ANKRD55: variants seen among roughly 807,000 people sequenced by gnomAD.
The protein encoded by ANKRD55 is ankyrin repeat domain 55.
Under a neutral mutation model 60.6 loss-of-function variants are expected in ANKRD55, and 41 were observed. The ratio of observed to expected loss-of-function variants is 0.68; its 90% CI spans 0.53 to 0.88. The LOEUF is 0.88. Among genes scored for constraint, ANKRD55 ranks in the 40% least tolerant of loss-of-function variants. The pLI is 0.00. For missense variants in ANKRD55, 732 were observed against 767.6 expected, an observed-to-expected ratio of 0.95 and a Z score of 0.55; for synonymous variants, 264 against 290.3, an observed-to-expected ratio of 0.91 and a Z score of 0.92.
At chr5:56,230,620 A>G (rs143890719) in intron 2 of ANKRD55, among the ~76,000 whole-genome samples, 78 of 152,298 alleles carry the variant, frequency 5.1e-4, no homozygotes, top group African/African-American at 1.8e-3. Flanking sequence ...AGTATTTAAA[A>G]TCTGTATAAT....
At chr5:56,187,226 A>G (rs972318426) in intron 2 of ANKRD55, among the ~76,000 whole-genome samples, 1 of 152,214 alleles carries the variant, frequency 6.6e-6, no homozygotes, top group African/African-American at 2.4e-5. Flanking sequence ...CTAGCTGGGA[A>G]GGTGACTGCA....
intron 9 of ANKRD55, among the ~76,000 whole-genome samples, chr5:56,112,902 G>T (rs1756775342): frequency 6.6e-6 from 1 of 152,128 alleles, no homozygotes; most frequent in Non-Finnish European, 1.5e-5. Flanking sequence ...TTCTCTACAG[G>T]TCACACAGTG....
intron 4 of ANKRD55, among the ~76,000 whole-genome samples, chr5:56,174,274 C>T (rs975981795): frequency 2.0e-5 from 3 of 152,206 alleles, no homozygotes; most frequent in Non-Finnish European, 4.4e-5. Context: ...TTGCATAGCT[C>T]TCTAGTCAAA....
chr5:56,176,257 A>T lies in ANKRD55; in HGVS notation c.207T>A (p.Val69=). 6.2e-7 allele frequency: 1 copy of T among 1,614,228 alleles called. No individual in the cohort carries two copies. Among genetic ancestry groups the T allele is most frequent in the East Asian group, 2.2e-5 (1 of 44,890 alleles). The change falls in exon 4 of 12, where the codon GTT becomes GTA. Residue 69 remains valine (V), a synonymous_variant. Coordinates refer to ENST00000341048, the MANE Select transcript of ANKRD55 (RefSeq NM_024669.3). ...TCACTGTGTCCGCTTGACGTCCAGAAACCGCATGCATCAAGGGCGTGCATC... is the reference window on the plus strand; with the variant it reads ...TCACTGTGTCCGCTTGACGTCCAGATACCGCATGCATCAAGGGCGTGCATC... ...SEGCTPLMHA[V]SGRQADTVKL...
rs76423149 is a variant in ANKRD55 at position 56,173,135 on chromosome 5, C to T, written c.313-2332G>A. Among the ~76,000 whole-genome samples, 1,067 of 152,292 alleles carry T rather than the reference C, an allele frequency of 7.0e-3. 13 individuals are homozygous for T. The highest frequency in any genetic ancestry group is 0.024 in the African/African-American group (1,010 of 41,564). Reference sequence around the variant, plus strand: ...TCCTTCTAATAAAACCTACAACTTCCTCTTCATTCTTTGGACATATCGAGG... The same window carrying T: ...TCCTTCTAATAAAACCTACAACTTCTTCTTCATTCTTTGGACATATCGAGG... On this transcript the variant is annotated intron_variant, in intron 4 of 11. Coordinates refer to ENST00000341048, the MANE Select transcript of ANKRD55 (RefSeq NM_024669.3).
chr5:56,224,814 T>C (rs1381788278), intron 2 of ANKRD55, among the ~76,000 whole-genome samples: 2 of 152,048 alleles, frequency 1.3e-5, no homozygotes, highest in Admixed American at 1.3e-4. Context: ...AGGACAATAA[T>C]AGGCTCTGAA....
At chr5:56,154,592 T>TG (rs1354177431) in intron 6 of ANKRD55, among the ~76,000 whole-genome samples, 1 of 150,770 alleles carries the variant, frequency 6.6e-6, no homozygotes, top group African/African-American at 2.4e-5. Flanking sequence ...AAGTTTTTTT[T>TG]TTTTTTTTTT....
chr5:56,160,475 G>A lies in ANKRD55; in HGVS notation c.423-582C>T, dbSNP rs141020709. On this transcript the variant is annotated intron_variant, in intron 5 of 11. Coordinates refer to ENST00000341048, the MANE Select transcript of ANKRD55 (RefSeq NM_024669.3). The stretch of plus-strand genomic sequence containing the variant: ...AGGATGGTCTGGATCTCCTGACCTC[G>A]TGGTCCGCCCGCCTAAGCCTCCCAA... 2.4e-3 allele frequency among the ~76,000 whole-genome samples: 365 copies of A among 152,238 alleles called. 2 individuals are homozygous for A. Among genetic ancestry groups the A allele is most frequent in the African/African-American group, 8.0e-3 (331 of 41,518 alleles).
At chr5:56,130,818 T>TA (rs1757388185) in intron 7 of ANKRD55, among the ~76,000 whole-genome samples, 1 of 151,994 alleles carries the variant, frequency 6.6e-6, no homozygotes, top group South Asian at 2.1e-4. Flanking sequence ...ATGCTGGAGA[T>TA]AAAAAACACT....
At chr5:56,141,299 A>G (rs1757759569) in intron 7 of ANKRD55, among the ~76,000 whole-genome samples, 1 of 151,896 alleles carries the variant, frequency 6.6e-6, no homozygotes, top group Non-Finnish European at 1.5e-5. Flanking sequence ...CCAGGGTCTC[A>G]CTGCATTACA....
At chr5:56,209,672 A>G (rs1440036473) in intron 2 of ANKRD55, among the ~76,000 whole-genome samples, 1 of 151,792 alleles carries the variant, frequency 6.6e-6, no homozygotes, top group Non-Finnish European at 1.5e-5. Context: ...TCACTGTGTT[A>G]GCCAGGATGG....
chr5:56,132,942 T>G (rs1757462811), intron 7 of ANKRD55, among the ~76,000 whole-genome samples: 1 of 152,158 alleles, frequency 6.6e-6, no homozygotes, highest in African/African-American at 2.4e-5. Flanking sequence ...TATTACATAA[T>G]GATAAAGAGG....
chr5:56,157,774 G>A lies in ANKRD55; in HGVS notation c.483+2059C>T, dbSNP rs562255605. On this transcript the variant is annotated intron_variant, in intron 6 of 11. Transcript: ENST00000341048. Reference sequence around the variant, plus strand: ...CCACATCCCCCTCTCTGAGATGGTAGAGATAATGATCAATAAATACTGAGG... The same window carrying A: ...CCACATCCCCCTCTCTGAGATGGTAAAGATAATGATCAATAAATACTGAGG... Among the ~76,000 whole-genome samples the A allele has an allele frequency of 6.6e-5, 10 of 152,264 alleles. 1 individual carries two copies. In the South Asian group the frequency reaches 2.1e-3, roughly 32 times the overall value.
chr5:56,104,833 G>C (rs1756406813), intron 10 of ANKRD55, among the ~76,000 whole-genome samples: 1 of 152,108 alleles, frequency 6.6e-6, no homozygotes, highest in Non-Finnish European at 1.5e-5. Flanking sequence ...GAAGCTCCAT[G>C]AGTAGTGCTG....
Position 56,232,745 on chromosome 5 carries a change from A to AACACATACAC in ANKRD55, c.58+110_58+111insGTGTATGTGT. ...ATACTCATGCACACCCACGCACATG[A>AACACATACAC]ACACACACACACACACACACACACT... On this transcript the variant is annotated intron_variant, in intron 2 of 11. Transcript: ENST00000341048. 5.7e-6 allele frequency: 5 copies of AACACATACAC among 871,578 alleles called. No homozygotes were observed. In the South Asian group the frequency reaches 8.2e-5, roughly 14 times the overall value. The allele number at this position is 871,578 out of a possible 1,614,324, so 54.0% of individuals were successfully genotyped here.
At chr5:56,113,556 T>C (rs1452005531) in intron 9 of ANKRD55, among the ~76,000 whole-genome samples, 1 of 152,158 alleles carries the variant, frequency 6.6e-6, no homozygotes, top group East Asian at 1.9e-4. Context: ...CGGACACTTT[T>C]TTCACGGAAC....
chr5:56,107,592 G>A (rs928156139), intron 10 of ANKRD55, among the ~76,000 whole-genome samples: 2 of 152,162 alleles, frequency 1.3e-5, no homozygotes, highest in African/African-American at 4.8e-5. Flanking sequence ...CTTGTTGATA[G>A]CTGTGAATAT....
At chr5:56,206,653 A>T in intron 2 of ANKRD55, among the ~76,000 whole-genome samples, 1 of 152,054 alleles carries the variant, frequency 6.6e-6, no homozygotes. Context: ...TCCCTCCCAC[A>T]ACCCCCACCA....
chr5:56,200,226 A>G (rs963394668), intron 2 of ANKRD55, among the ~76,000 whole-genome samples: 1 of 152,180 alleles, frequency 6.6e-6, no homozygotes, highest in African/African-American at 2.4e-5. Context: ...TAACTAAGAA[A>G]GCAAGTCCTT....
Sources: allele counts gnomAD v4.1 joint callset (sites outside exome capture counted in the v4.1 genomes callset), GRCh38; gene constraint gnomAD v4.1.1; transcripts MANE v1.5; gene names NCBI Gene and HGNC (gene_info 2026-07-23, HGNC 2026-07-21).